TSPEAR: variants seen among roughly 807,000 people sequenced by gnomAD.
TSPEAR encodes the protein thrombospondin type laminin G domain and EAR repeats.
In TSPEAR, 69 loss-of-function variants were observed where a neutral mutation model predicts 71.6. The ratio of observed to expected loss-of-function variants is 0.96; its 90% CI spans 0.79 to 1.18. The LOEUF (loss-of-function observed/expected upper bound fraction) is 1.18. Ranked by LOEUF, TSPEAR falls within the 50% of genes most tolerant of loss-of-function variation. The pLI is 0.00. For missense variants in TSPEAR, 971 were observed against 894.9 expected (o/e 1.09, Z -1.09); for synonymous variants, 402 against 387.2 (o/e 1.04, Z -0.45).
chr21:44,664,852 G>A (rs1214523650), intron 1 of TSPEAR, among the ~76,000 whole-genome samples: 8 of 152,236 alleles, frequency 5.3e-5, no homozygotes, highest in Non-Finnish European at 7.3e-5. Flanking sequence ...AAGTGGCCCT[G>A]AGGGCCACAG....
chr21:44,500,627 C>T (rs954517435), intron 11 of TSPEAR, among the ~76,000 whole-genome samples: 1 of 152,216 alleles, frequency 6.6e-6, no homozygotes, highest in Non-Finnish European at 1.5e-5. Context: ...AGGGTGGGGT[C>T]CCCCTGGGAT....
chr21:44,559,086 A>C (rs2053596431), intron 2 of TSPEAR, among the ~76,000 whole-genome samples: 1 of 152,198 alleles, frequency 6.6e-6, no homozygotes, highest in Non-Finnish European at 1.5e-5. Flanking sequence ...TGGAATTGAC[A>C]GCCCTCTGCT....
chr21:44,652,278 G>A (rs116931992), intron 1 of TSPEAR, among the ~76,000 whole-genome samples: 1,911 of 152,200 alleles, frequency 0.013, 14 homozygotes, highest in Non-Finnish European at 0.019. Flanking sequence ...CCACCGCACC[G>A]GGCCCCATTC....
Position 44,600,810 on chromosome 21 carries a change from G to A in TSPEAR, c.83-32805C>T, listed in dbSNP as rs782170621. On this transcript the variant is annotated intron_variant, in intron 1 of 11. Transcript: ENST00000323084. ...TGGTCTGCACCCCAGTGAGCTATGT[G>A]TCCAGCCCCTGCTGCCGAGTGACCT... The A allele has an allele frequency of 6.0e-4, 951 of 1,595,388 alleles. 185 individuals carry two copies. The South Asian group carries it at 7.5e-3, about 13-fold the overall frequency.
rs578072814 is a variant in TSPEAR, at chr21:44,698,928, G to A, written c.82+12505C>T. On this transcript the variant is annotated intron_variant, in intron 1 of 11. Coordinates refer to ENST00000323084, the MANE Select transcript of TSPEAR (RefSeq NM_144991.3). ...TCCATTAAAAATAAAAAGGCCAGGC[G>A]TGTGGCTCAGGCCTGCAGTCCCAGC... Among the ~76,000 whole-genome samples, 4 of 152,340 alleles carry A rather than the reference G, an allele frequency of 2.6e-5. No individual in the cohort carries two copies. In the South Asian group the frequency reaches 8.3e-4, roughly 32 times the overall value.
At chr21:44,705,672 A>G (rs1309533693) in intron 1 of TSPEAR, among the ~76,000 whole-genome samples, 4 of 152,122 alleles carry the variant, frequency 2.6e-5, no homozygotes, top group African/African-American at 4.8e-5. Flanking sequence ...GGAAATTCCC[A>G]CCTAATAAAT....
At chr21:44,500,751 T>C (rs1306391313) in intron 11 of TSPEAR, among the ~76,000 whole-genome samples, 2 of 152,258 alleles carry the variant, frequency 1.3e-5, no homozygotes, top group Non-Finnish European at 2.9e-5. Flanking sequence ...ACACTGTTCA[T>C]CTTTTCTTCT....
chr21:44,648,928 C>A (rs1179682723), intron 1 of TSPEAR, among the ~76,000 whole-genome samples: 1 of 152,232 alleles, frequency 6.6e-6, no homozygotes, highest in Non-Finnish European at 1.5e-5. Context: ...GGCGGGGTCC[C>A]CTCCCTTGTG....
At chr21:44,703,844 C>T (rs1987776446) in intron 1 of TSPEAR, among the ~76,000 whole-genome samples, 1 of 152,152 alleles carries the variant, frequency 6.6e-6, no homozygotes, top group Non-Finnish European at 1.5e-5. Flanking sequence ...GCCAGAGCCG[C>T]CTCCTCACCT....
At position 44,666,394 on chromosome 21, in the gene TSPEAR, G is replaced by A. The variant is rs1446427218; in HGVS notation, c.82+45039C>T. 2.9e-5 allele frequency: 45 copies of A among 1,534,470 alleles called. No individual in the cohort carries two copies. The African/African-American group carries it at 5.6e-4, about 19-fold the overall frequency. On this transcript the variant is annotated intron_variant, in intron 1 of 11. Transcript: ENST00000323084. ...CCAACTGAGGACTCATCCAGGGAGTGTACAGGTGTGGCCTCATCTGCACTG... is the reference window on the plus strand; with the variant it reads ...CCAACTGAGGACTCATCCAGGGAGTATACAGGTGTGGCCTCATCTGCACTG...
rs1348391016 is a variant in TSPEAR at position 44,707,314 on chromosome 21, C to T, written c.82+4119G>A. The stretch of plus-strand genomic sequence containing the variant: ...AAAGGACGCGGGGTGGGGGGGGGTG[C>T]GGGGAGAGAGGACACAGGGTCGGAA... On this transcript the variant is annotated intron_variant, in intron 1 of 11. Coordinates refer to ENST00000323084, the MANE Select transcript of TSPEAR (RefSeq NM_144991.3). Among the ~76,000 whole-genome samples the T allele has an allele frequency of 9.0e-4, 113 of 125,320 alleles. 2 individuals carry two copies. The highest frequency in any genetic ancestry group is 3.2e-3 in the African/African-American group (105 of 32,858). The allele number at this position is 125,320 out of a possible 152,430, so 82.2% of individuals were successfully genotyped here.
chr21:44,691,998 G>A (rs945971339), intron 1 of TSPEAR, among the ~76,000 whole-genome samples: 3 of 152,100 alleles, frequency 2.0e-5, no homozygotes, highest in Non-Finnish European at 4.4e-5. Flanking sequence ...CATATTAAAA[G>A]GATTATATAC....
intron 1 of TSPEAR, among the ~76,000 whole-genome samples, chr21:44,698,663 C>T (rs992549406): frequency 3.3e-5 from 5 of 152,164 alleles, no homozygotes; most frequent in Non-Finnish European, 5.9e-5. Flanking sequence ...GAGGATGGCT[C>T]GCTCCACCTG....
chr21:44,689,643 A>G (rs1987024789), intron 1 of TSPEAR, among the ~76,000 whole-genome samples: 3 of 146,880 alleles, frequency 2.0e-5, no homozygotes, highest in East Asian at 4.0e-4. Context: ...TCTCATTGAT[A>G]TTTAAAATTA....
At chr21:44,676,402 A>T in intron 1 of TSPEAR, 1 of 1,141,692 alleles carries the variant, frequency 8.8e-7, no homozygotes, top group Non-Finnish European at 1.3e-6. Context: ...TGAGGTCTTC[A>T]TGCTGTACTT....
intron 1 of TSPEAR, among the ~76,000 whole-genome samples, chr21:44,678,374 G>T (rs587598799): frequency 2.0e-5 from 3 of 152,140 alleles, no homozygotes; most frequent in Non-Finnish European, 4.4e-5. Context: ...GTTTAAAAGT[G>T]TGTGGCATCC....
chr21:44,643,616 A>T (rs1436775581), intron 1 of TSPEAR, among the ~76,000 whole-genome samples: 2 of 152,214 alleles, frequency 1.3e-5, no homozygotes, highest in Non-Finnish European at 2.9e-5. Flanking sequence ...ATCTTAGATC[A>T]CTCAAGTTAC....
At chr21:44,624,726 C>A (rs1982658283) in intron 1 of TSPEAR, among the ~76,000 whole-genome samples, 1 of 152,160 alleles carries the variant, frequency 6.6e-6, no homozygotes, top group Non-Finnish European at 1.5e-5. Context: ...AGGTCCTGAA[C>A]TCTATGTTTT....
At chr21:44,636,581 C>T (rs974880546) in intron 1 of TSPEAR, among the ~76,000 whole-genome samples, 5 of 152,188 alleles carry the variant, frequency 3.3e-5, no homozygotes, top group African/African-American at 7.2e-5. Context: ...ACCAGGCGTC[C>T]GGGCAGTGGG....
Sources: gnomAD v4.1 joint callset for allele counts (sites outside exome capture counted in the v4.1 genomes callset) on GRCh38, gnomAD v4.1.1 for gene constraint, MANE v1.5 for transcripts, NCBI Gene and HGNC (gene_info 2026-07-23, HGNC 2026-07-21) for gene names.